IQCH: variants seen among roughly 807,000 people sequenced by gnomAD.
The protein encoded by IQCH is IQ domain-containing protein H.
In IQCH, 98 loss-of-function variants were observed where a neutral mutation model predicts 117.0. That is an observed-to-expected ratio of 0.84 (90% CI 0.71 to 0.99). The LOEUF is 0.99. IQCH is among the 50% of genes least tolerant of loss of function. IQCH has a pLI of 0.00. For missense variants in IQCH, 1,102 were observed against 1,243.8 expected, an observed-to-expected ratio of 0.89 and a Z score of 1.72; for synonymous variants, 412 against 448.2, an observed-to-expected ratio of 0.92 and a Z score of 1.02.
At chr15:67,330,051 G>C (rs1429749395) in intron 4 of IQCH, among the ~76,000 whole-genome samples, 2 of 148,836 alleles carry the variant, frequency 1.3e-5, no homozygotes, top group Non-Finnish European at 3.0e-5. Flanking sequence ...CTCCTGGACA[G>C]GCATCTTGTG....
At chr15:67,371,367 A>T in intron 8 of IQCH, 1 of 702,668 alleles carries the variant, frequency 1.4e-6, no homozygotes, top group Non-Finnish European at 2.1e-6. Flanking sequence ...TTCATAGCTT[A>T]AAATGTCAAT....
chr15:67,374,944 C>A (rs1413166016), intron 10 of IQCH, among the ~76,000 whole-genome samples: 1 of 152,182 alleles, frequency 6.6e-6, no homozygotes. Context: ...CAGGGCCCCC[C>A]ACTTTGCAAA....
At chr15:67,477,426 G>A (rs934569280) in intron 18 of IQCH, among the ~76,000 whole-genome samples, 1 of 152,134 alleles carries the variant, frequency 6.6e-6, no homozygotes, top group African/African-American at 2.4e-5. Context: ...CTGACACTTG[G>A]CAATCCCCAG....
Position 67,420,558 on chromosome 15 carries a change from G to A in IQCH, c.2219-733G>A, listed in dbSNP as rs566259574. 1.1e-4 allele frequency among the ~76,000 whole-genome samples: 16 copies of A among 152,204 alleles called. No homozygotes were observed. The South Asian group carries it at 2.9e-3, about 28-fold the overall frequency. Reference sequence around the variant, plus strand: ...GTTGGGCCTAAAAACAGAAGATTGGGGCTATGTAATTTTTGTGGACACCAC... The same window carrying A: ...GTTGGGCCTAAAAACAGAAGATTGGAGCTATGTAATTTTTGTGGACACCAC... On this transcript the variant is annotated intron_variant, in intron 15 of 20. Transcript: ENST00000335894.
chr15:67,288,931 C>T (rs1023588128), intron 4 of IQCH, among the ~76,000 whole-genome samples: 1 of 152,072 alleles, frequency 6.6e-6, no homozygotes, highest in African/African-American at 2.4e-5. Flanking sequence ...TTTACAAAGG[C>T]AATGATGCCT....
At chr15:67,317,349 C>T (rs1455808029) in intron 4 of IQCH, among the ~76,000 whole-genome samples, 4 of 151,952 alleles carry the variant, frequency 2.6e-5, no homozygotes, top group Admixed American at 2.0e-4. Flanking sequence ...ATTACAGGTG[C>T]ACACCACCAT....
chr15:67,332,619 A>T (rs2140643263), intron 4 of IQCH, among the ~76,000 whole-genome samples: 1 of 152,344 alleles, frequency 6.6e-6, no homozygotes, highest in East Asian at 1.9e-4. Flanking sequence ...CAATTATAGA[A>T]TCATGGTACC....
intron 4 of IQCH, among the ~76,000 whole-genome samples, chr15:67,296,515 G>C (rs556633674): frequency 6.6e-6 from 1 of 152,214 alleles, no homozygotes; most frequent in South Asian, 2.1e-4. Flanking sequence ...TGGATTCAGT[G>C]ATTAGAGGCA....
chr15:67,369,509 A>G lies in IQCH; in HGVS notation c.754-2602A>G, dbSNP rs764896396. ...AGGAAGAGAAAAAGAAAAAAGAGAAAGAAGAGAGGGAAGGGGAAAGAAGGG... is the reference window on the plus strand; with the variant it reads ...AGGAAGAGAAAAAGAAAAAAGAGAAGGAAGAGAGGGAAGGGGAAAGAAGGG... On this transcript the variant is annotated intron_variant, in intron 8 of 20. Coordinates refer to ENST00000335894, the MANE Select transcript of IQCH (RefSeq NM_001031715.3). The surrounding 1 kb of genome is among the most constrained non-coding windows in gnomAD (Gnocchi z 5.2). Among the ~76,000 whole-genome samples the G allele has an allele frequency of 1.3e-5, 2 of 150,974 alleles. No homozygotes were observed. The highest frequency in any genetic ancestry group is 1.3e-4 in the Admixed American group (2 of 15,128).
In IQCH at chr15:67,275,462, T is replaced by C. The variant is rs577499803; in HGVS notation, c.270-3933T>C. The stretch of plus-strand genomic sequence containing the variant: ...CTGGTAATAATCTCAGTAATGTATG[T>C]TTGTTTTTAGTTTTCTGTTATGGGA... On this transcript the variant is annotated intron_variant, in intron 3 of 20. Coordinates refer to ENST00000335894, the MANE Select transcript of IQCH (RefSeq NM_001031715.3). Among the ~76,000 whole-genome samples, 11 of 152,240 alleles carry C rather than the reference T, an allele frequency of 7.2e-5. 2 individuals carry two copies. Among genetic ancestry groups the C allele is most frequent in the African/African-American group, 2.6e-4 (11 of 41,544 alleles).
chr15:67,444,613 G>C (rs2082353026), intron 16 of IQCH, among the ~76,000 whole-genome samples: 3 of 152,078 alleles, frequency 2.0e-5, no homozygotes, highest in Non-Finnish European at 2.9e-5. Flanking sequence ...CCATCTAGCT[G>C]GTCAAAAGTG....
chr15:67,389,465 G>T (rs1423055504), intron 12 of IQCH, among the ~76,000 whole-genome samples: 1 of 151,736 alleles, frequency 6.6e-6, no homozygotes, highest in Non-Finnish European at 1.5e-5. Context: ...GGTTCCTAAT[G>T]AACAATGTTC....
At position 67,494,244 on chromosome 15, in the gene IQCH, G is replaced by C; in HGVS notation, c.2862-14G>C. 1 of 1,585,854 alleles carries C rather than the reference G, an allele frequency of 6.3e-7. No homozygotes were observed. Among genetic ancestry groups the C allele is most frequent in the Non-Finnish European group, 8.6e-7 (1 of 1,165,202 alleles). On this transcript the variant is annotated splice_polypyrimidine_tract_variant and intron_variant, in intron 19 of 20. Transcript: ENST00000335894. This position sits in a 1 kb window ranked among gnomAD's most constrained non-coding sequence, Gnocchi z 5.5. ...AATCGTTGGTAAACTCATTTGTTTG[G>C]ATATCATTAACAGAACAATCGGCGA... is the stretch of plus-strand genomic sequence containing the variant.
At position 67,496,184 on chromosome 15, in the gene IQCH, G is replaced by A. The variant is rs529318700; in HGVS notation, c.2970+1818G>A. Among the ~76,000 whole-genome samples the A allele has an allele frequency of 6.6e-6, 1 of 152,028 alleles. No homozygotes were observed. Among genetic ancestry groups the A allele is most frequent in the African/African-American group, 2.4e-5 (1 of 41,468 alleles). On this transcript the variant is annotated intron_variant, in intron 20 of 20. Coordinates refer to ENST00000335894, the MANE Select transcript of IQCH (RefSeq NM_001031715.3). The surrounding 1 kb of genome is among the most constrained non-coding windows in gnomAD (Gnocchi z 4.4). ...TTACAAAAATTAGCCAGGTGTGGTG[G>A]CTCATGCCTGTAGTCCCAGCTACTT...
chr15:67,340,748 C>A (rs142179081), intron 5 of IQCH, among the ~76,000 whole-genome samples: 58 of 152,192 alleles, frequency 3.8e-4, no homozygotes, highest in African/African-American at 1.3e-3. Context: ...TCTCTACAAG[C>A]CAATCAGAAC....
rs2082737416 is a variant in IQCH, at chr15:67,459,462, C to T, written c.2506-5665C>T. On this transcript the variant is annotated intron_variant, in intron 16 of 20. Coordinates refer to ENST00000335894, the MANE Select transcript of IQCH (RefSeq NM_001031715.3). This position sits in a 1 kb window ranked among gnomAD's most constrained non-coding sequence, Gnocchi z 4.2. ...CTGCGTGCTCTGCCACCCATTCATC[C>T]CGCCTGTCACCAGAAAGAGGCAGAA... Among the ~76,000 whole-genome samples the T allele has an allele frequency of 6.6e-6, 1 of 152,182 alleles. No homozygotes were observed. The highest frequency in any genetic ancestry group is 2.1e-4 in the South Asian group (1 of 4,820).
chr15:67,334,522 G>A (rs1333694586), intron 4 of IQCH, among the ~76,000 whole-genome samples: 1 of 152,128 alleles, frequency 6.6e-6, no homozygotes, highest in Admixed American at 6.6e-5. Flanking sequence ...ATAATTTAGT[G>A]CTTTATTTAA....
intron 10 of IQCH, among the ~76,000 whole-genome samples, chr15:67,375,996 A>G (rs556535293): frequency 8.6e-4 from 131 of 152,226 alleles, no homozygotes; most frequent in African/African-American, 3.1e-3. Flanking sequence ...CATGTTGGCC[A>G]GGCTGGTCTG....
intron 16 of IQCH, among the ~76,000 whole-genome samples, chr15:67,429,629 A>C (rs1373980388): frequency 1.3e-5 from 2 of 152,238 alleles, no homozygotes; most frequent in African/African-American, 4.8e-5. Context: ...TTTCACATAC[A>C]TGATCTTACT....
Sources: allele counts gnomAD v4.1 joint callset (sites outside exome capture counted in the v4.1 genomes callset), GRCh38; gene constraint gnomAD v4.1.1; non-coding constraint Gnocchi (gnomAD v3.1); transcripts MANE v1.5; gene names NCBI Gene and HGNC (gene_info 2026-07-23, HGNC 2026-07-21).